The following COL4A1 variants were observed in gnomAD, a reference collection of about 807,000 sequenced individuals.
The protein encoded by COL4A1 is collagen type IV alpha 1 chain.
Under a neutral mutation model 216.6 loss-of-function variants are expected in COL4A1, and 40 were observed. The observed-to-expected ratio is 0.18, with a 90% confidence interval of 0.14 to 0.24. The LOEUF (loss-of-function observed/expected upper bound fraction) is 0.24, where lower values mean the gene tolerates loss of function less well. Ranked by LOEUF, COL4A1 falls within the 10% of genes least tolerant of loss-of-function variation. The pLI, the probability that COL4A1 is intolerant of heterozygous loss-of-function variation, is 1.00. For missense variants in COL4A1, 1,628 were observed against 2,196.8 expected (o/e 0.74, Z 5.18); for synonymous variants, 839 against 810.7 (o/e 1.03, Z -0.59).
rs942208629 is a variant in COL4A1 at position 110,273,272 on chromosome 13, G to A, written c.85-30538C>T. ...AAGTGGAGAAGGTCCCTGCTAACGC[G>A]GGATGTATATTTTGAAGGACCTAAA... On this transcript the variant is annotated intron_variant, in intron 1 of 51. Coordinates refer to ENST00000375820, the MANE Select transcript of COL4A1 (RefSeq NM_001845.6). 5.3e-5 allele frequency among the ~76,000 whole-genome samples: 8 copies of A among 152,300 alleles called. No individual in the cohort carries two copies. The South Asian group carries it at 6.2e-4, about 12-fold the overall frequency.
intron 50 of COL4A1, among the ~76,000 whole-genome samples, chr13:110,155,047 G>C (rs1266724877): frequency 6.6e-6 from 1 of 152,246 alleles, no homozygotes; most frequent in Non-Finnish European, 1.5e-5. Context: ...GCTCATCCCA[G>C]CTACCTTGGC....
At chr13:110,220,727 C>T (rs915620463) in intron 2 of COL4A1, among the ~76,000 whole-genome samples, 3 of 152,038 alleles carry the variant, frequency 2.0e-5, no homozygotes, top group Non-Finnish European at 4.4e-5. Context: ...CCAAGGCTGC[C>T]GATGATGGAG....
chr13:110,203,493 C>T (rs1238402549), intron 18 of COL4A1, 73 bp downstream of exon 18: 3 of 1,544,686 alleles, frequency 1.9e-6, no homozygotes, highest in African/African-American at 2.7e-5. Context: ...CCCCCCAGTG[C>T]TCTCACAGAC....
At chr13:110,161,460 A>G (rs1416309406) in intron 48 of COL4A1, 91 bp from the exon 49 acceptor site, 2 of 1,376,484 alleles carry the variant, frequency 1.5e-6, no homozygotes, top group East Asian at 5.0e-5. Context: ...CAACAAGCAA[A>G]AACATATAAT....
intron 1 of COL4A1, among the ~76,000 whole-genome samples, chr13:110,269,451 A>G (rs149344130): frequency 1.4e-4 from 21 of 152,362 alleles, no homozygotes; most frequent in African/African-American, 5.0e-4. Context: ...ATACAGAATC[A>G]AAGTAATGAA....
intron 1 of COL4A1, among the ~76,000 whole-genome samples, chr13:110,274,969 G>C (rs893265470): frequency 6.6e-6 from 1 of 152,136 alleles, no homozygotes; most frequent in African/African-American, 2.4e-5. Context: ...ATCCTTGCTC[G>C]CAGCCGTCAC....
chr13:110,211,535 T>C lies in COL4A1; in HGVS notation c.468+112A>G. 1 of 1,017,322 alleles carries C rather than the reference T, an allele frequency of 9.8e-7. No homozygotes were observed. Among genetic ancestry groups the C allele is most frequent in the Non-Finnish European group, 1.5e-6 (1 of 678,694 alleles). 63.0% of individuals were successfully genotyped at this position (1,017,322 alleles called of 1,614,324 possible). ...TGTAACAGAGTTTAGGGAAGTGTGT[T>C]CAGAAACAATCGATCAGCCAAAGTG... On this transcript the variant is annotated intron_variant, in intron 8 of 51. Transcript: ENST00000375820. The surrounding 1 kb of genome is among the most constrained non-coding windows in gnomAD (Gnocchi z 4.3).
At chr13:110,150,685 C>T (rs1404559984) in intron 51 of COL4A1, among the ~76,000 whole-genome samples, 1 of 152,252 alleles carries the variant, frequency 6.6e-6, no homozygotes, top group Non-Finnish European at 1.5e-5. Flanking sequence ...CCAGTGCCCA[C>T]AGCCCCATAG....
rs1165281751 is a variant in COL4A1 at position 110,219,660 on chromosome 13, A to ATG, written c.145-5647_145-5646dup. Among the ~76,000 whole-genome samples, 44 of 119,280 alleles carry ATG rather than the reference A, an allele frequency of 3.7e-4. 1 individual carries two copies. Among genetic ancestry groups the ATG allele is most frequent in the African/African-American group, 1.2e-3 (39 of 33,766 alleles). 78.3% of individuals were successfully genotyped at this position (119,280 alleles called of 152,430 possible). On this transcript the variant is annotated intron_variant, in intron 2 of 51. Transcript: ENST00000375820. Reference sequence around the variant, plus strand: ...TTGTAAGTTGAAAATATATATATATATGTATATATATATATATGTGTATAT... The same window carrying ATG: ...TTGTAAGTTGAAAATATATATATATATGTGTATATATATATATATGTGTATAT...
At chr13:110,220,297 T>TTA in intron 2 of COL4A1, among the ~76,000 whole-genome samples, 1 of 152,270 alleles carries the variant, frequency 6.6e-6, no homozygotes, top group East Asian at 1.9e-4. Flanking sequence ...CCCAACATCA[T>TTA]AGCTTAGCCT....
At chr13:110,205,967 T>C (rs1461462702) in intron 15 of COL4A1, among the ~76,000 whole-genome samples, 1 of 152,092 alleles carries the variant, frequency 6.6e-6, no homozygotes, top group African/African-American at 2.4e-5. Flanking sequence ...GCAAGGTAAA[T>C]GAGGGTTCTA....
chr13:110,299,829 T>C (rs1403684642), intron 1 of COL4A1, among the ~76,000 whole-genome samples: 2 of 152,228 alleles, frequency 1.3e-5, no homozygotes, highest in Admixed American at 6.5e-5. Flanking sequence ...GTATTAATTC[T>C]GTAACATTAA....
chr13:110,196,862 G>A (rs755611182), intron 21 of COL4A1, among the ~76,000 whole-genome samples: 1 of 152,184 alleles, frequency 6.6e-6, no homozygotes. Context: ...GGTAGCAATG[G>A]CTTTAAGATG....
chr13:110,176,366 T>C (rs1877885008), intron 36 of COL4A1, 58 bp downstream of exon 36: 1 of 1,148,556 alleles, frequency 8.7e-7, no homozygotes, highest in Non-Finnish European at 1.3e-6. Flanking sequence ...TCTGCAGACA[T>C]GCCCTACCAG....
Position 110,211,742 on chromosome 13 carries a change from T to G in COL4A1, c.442-69A>C. On this transcript the variant is annotated intron_variant, in intron 7 of 51. Coordinates refer to ENST00000375820, the MANE Select transcript of COL4A1 (RefSeq NM_001845.6). This position sits in a 1 kb window ranked among gnomAD's most constrained non-coding sequence, Gnocchi z 4.3. The stretch of plus-strand genomic sequence containing the variant: ...ATCATTAGCATTAAAATTGTTATCA[T>G]GTAATATTATATATAAAATATAAGT... The G allele has an allele frequency of 6.8e-7, 1 of 1,461,144 alleles. No homozygotes were observed. Among genetic ancestry groups the G allele is most frequent in the Non-Finnish European group, 9.4e-7 (1 of 1,065,576 alleles). 90.5% of individuals were successfully genotyped at this position (1,461,144 alleles called of 1,614,324 possible).
intron 47 of COL4A1, among the ~76,000 whole-genome samples, 183 bp downstream of exon 47, chr13:110,163,280 A>T (rs1566341082): frequency 6.6e-6 from 1 of 152,244 alleles, no homozygotes; most frequent in African/African-American, 2.4e-5. Flanking sequence ...GTCTCTACAC[A>T]GAAAAAAGAA....
chr13:110,209,422 G>C lies in COL4A1; in HGVS notation c.621C>G (p.Pro207=), dbSNP rs543607898. Reference sequence around the variant, plus strand: ...CACCTGGAGGGCCGGGAGGGCCTGGGGGACCCTGGGAGAGACAGCATTTTA... The same window carrying C: ...CACCTGGAGGGCCGGGAGGGCCTGGCGGACCCTGGGAGAGACAGCATTTTA... The part of the protein sequence containing the change: ...GPPGFTGPPG[P]PGPPGPPGEK... Residue 207 remains proline (P), a synonymous_variant, in exon 11 of 52, where the codon CCC becomes CCG. Coordinates refer to ENST00000375820, the MANE Select transcript of COL4A1 (RefSeq NM_001845.6). 6.2e-7 allele frequency: 1 copy of C among 1,607,552 alleles called. No homozygotes were observed. Among genetic ancestry groups the C allele is most frequent in the East Asian group, 2.2e-5 (1 of 44,850 alleles).
At chr13:110,219,712 G>GTATATATA (rs1435829165) in intron 2 of COL4A1, among the ~76,000 whole-genome samples, 1 of 107,842 alleles carries the variant, frequency 9.3e-6, no homozygotes, top group African/African-American at 3.8e-5. Context: ...ATATACATAT[G>GTATATATA]TGTATATATA....
intron 10 of COL4A1, 42 bp from the exon 11 acceptor site, chr13:110,209,469 TAGGGA>T: frequency 7.1e-7 from 1 of 1,410,382 alleles, no homozygotes; most frequent in Non-Finnish European, 9.9e-7. Context: ...TTCAGAACTC[TAGGGA>T]GCTTTAAGCC....
Sources: allele counts gnomAD v4.1 joint callset (sites outside exome capture counted in the v4.1 genomes callset), GRCh38; gene constraint gnomAD v4.1.1; non-coding constraint Gnocchi (gnomAD v3.1); transcripts MANE v1.5; gene names NCBI Gene and HGNC (gene_info 2026-07-23, HGNC 2026-07-21).